The following PTPN9 variants were observed in gnomAD, a reference collection of about 807,000 sequenced individuals.
PTPN9 encodes the protein protein tyrosine phosphatase non-receptor type 9.
PTPN9 carries 26 observed loss-of-function variants against 69.8 expected under a neutral mutation model. That is an observed-to-expected ratio of 0.37 (90% CI 0.27 to 0.52). The LOEUF (loss-of-function observed/expected upper bound fraction) is 0.52, where lower values mean the gene tolerates loss of function less well. Among genes scored for constraint, PTPN9 ranks in the 20% least tolerant of loss-of-function variants. The pLI, the probability that PTPN9 is intolerant of heterozygous loss-of-function variation, is 0.91. For missense variants in PTPN9, 549 were observed against 740.3 expected (o/e 0.74, Z 3.00); for synonymous variants, 274 against 272.5 (o/e 1.01, Z -0.05).
At chr15:75,524,886 G>A (rs528747716) in intron 2 of PTPN9, among the ~76,000 whole-genome samples, 3 of 151,070 alleles carry the variant, frequency 2.0e-5, no homozygotes, top group South Asian at 2.1e-4. Flanking sequence ...AAGCATTTTC[G>A]GAATTCCTGT....
At chr15:75,571,506 C>T (rs1034837075) in intron 1 of PTPN9, among the ~76,000 whole-genome samples, 9 of 152,114 alleles carry the variant, frequency 5.9e-5, no homozygotes, top group African/African-American at 1.7e-4. Context: ...GCCTGTACTC[C>T]CAGCATTTTG....
intron 8 of PTPN9, among the ~76,000 whole-genome samples, chr15:75,485,410 G>A (rs1173342864): frequency 4.0e-5 from 5 of 126,098 alleles, no homozygotes; most frequent in Admixed American, 3.1e-4. Context: ...TGCCCAGGCC[G>A]GACTGCGGAC....
intron 6 of PTPN9, among the ~76,000 whole-genome samples, chr15:75,507,986 G>A (rs952224926): frequency 7.0e-6 from 1 of 143,112 alleles, no homozygotes; most frequent in Admixed American, 7.4e-5. Context: ...GGGCTGCAGT[G>A]AGCCAAGATC....
chr15:75,525,289 G>A (rs1432111972), intron 2 of PTPN9, among the ~76,000 whole-genome samples: 3 of 150,946 alleles, frequency 2.0e-5, no homozygotes, highest in Non-Finnish European at 4.4e-5. Flanking sequence ...CAACCTCCAC[G>A]TCCAAGAGAT....
chr15:75,558,013 G>C (rs1044217857), intron 1 of PTPN9, among the ~76,000 whole-genome samples: 3 of 151,982 alleles, frequency 2.0e-5, no homozygotes, highest in Admixed American at 1.3e-4. Flanking sequence ...TGGCCAACAT[G>C]CCAAAACCTC....
intron 4 of PTPN9, among the ~76,000 whole-genome samples, chr15:75,519,194 C>T (rs190944733): frequency 5.3e-5 from 8 of 152,280 alleles, no homozygotes; most frequent in African/African-American, 1.7e-4. Context: ...CTGCAACCTC[C>T]GCCGCCCGGG....
In PTPN9 at chr15:75,490,250, G is replaced by GTTTT. The variant is rs1567477237; in HGVS notation, c.1019_1020insAAAA (p.Asp340GlufsTer5). 1 of 1,613,672 alleles carries GTTTT rather than the reference G, an allele frequency of 6.2e-7. No individual in the cohort carries two copies. Among genetic ancestry groups the GTTTT allele is most frequent in the African/African-American group, 1.3e-5 (1 of 74,894 alleles). ...GCTTTGTTAGCTTCACTCTAGTTTG[G>GTTTT]TCCAGGCAGGGTACATCCCCATAAC... On this transcript the variant is annotated frameshift_variant, in exon 8 of 13. Transcript: ENST00000618819. LOFTEE classifies it high-confidence loss of function.
intron 8 of PTPN9, among the ~76,000 whole-genome samples, chr15:75,482,442 G>A (rs1469307102): frequency 3.9e-5 from 6 of 152,024 alleles, no homozygotes; most frequent in African/African-American, 1.4e-4. Flanking sequence ...GCGGGCGCCT[G>A]TAGTCCCAGC....
intron 1 of PTPN9, among the ~76,000 whole-genome samples, chr15:75,564,393 G>T (rs1048020702): frequency 6.6e-6 from 1 of 151,978 alleles, no homozygotes; most frequent in Non-Finnish European, 1.5e-5. Context: ...AGAAGATTGA[G>T]ACCATCCTGG....
intron 1 of PTPN9, among the ~76,000 whole-genome samples, chr15:75,536,969 T>G (rs940152086): frequency 7.9e-5 from 12 of 152,272 alleles, no homozygotes; most frequent in East Asian, 1.9e-4. Context: ...ATGAATGAAT[T>G]AATTATTGAA....
chr15:75,550,386 G>A (rs934637464), intron 1 of PTPN9, among the ~76,000 whole-genome samples: 1 of 151,264 alleles, frequency 6.6e-6, no homozygotes. Context: ...GGCTAGTCTC[G>A]AACTCCTGAC....
chr15:75,556,379 T>TTTA (rs932773708), intron 1 of PTPN9, among the ~76,000 whole-genome samples: 1 of 145,162 alleles, frequency 6.9e-6, no homozygotes, highest in African/African-American at 2.6e-5. Context: ...TAATTATTAT[T>TTTA]TTATTATTAT....
intron 4 of PTPN9, among the ~76,000 whole-genome samples, chr15:75,519,440 G>A (rs1001836333): frequency 3.3e-5 from 5 of 151,518 alleles, no homozygotes; most frequent in Admixed American, 1.3e-4. Flanking sequence ...TTTTGCACCA[G>A]CACCTCCTGG....
intron 8 of PTPN9, among the ~76,000 whole-genome samples, chr15:75,485,430 G>A (rs994418752): frequency 7.0e-6 from 1 of 142,570 alleles, no homozygotes; most frequent in Non-Finnish European, 1.5e-5. Context: ...CTGCAGTGGC[G>A]CAATCTCGGC....
chr15:75,543,995 T>C (rs1467815300), intron 1 of PTPN9, among the ~76,000 whole-genome samples: 1 of 152,160 alleles, frequency 6.6e-6, no homozygotes, highest in Non-Finnish European at 1.5e-5. Flanking sequence ...CTGGAGGCAT[T>C]TGCCAATAGC....
chr15:75,534,144 C>T (rs950716561), intron 1 of PTPN9, among the ~76,000 whole-genome samples: 1 of 152,148 alleles, frequency 6.6e-6, no homozygotes, highest in Non-Finnish European at 1.5e-5. Flanking sequence ...CCACAATTTC[C>T]TCACCTTGAA....
chr15:75,499,793 G>A (rs1047466620), intron 7 of PTPN9, among the ~76,000 whole-genome samples: 20 of 152,072 alleles, frequency 1.3e-4, no homozygotes, highest in Admixed American at 1.1e-3. Context: ...CAAAAGCACC[G>A]AGAGCAAGGT....
Position 75,517,352 on chromosome 15 carries a change from C to T in PTPN9, c.435G>A (p.Gln145=). ...CATAGATAAACACCAGTCCATTCCT[C>T]TGAGTTTCAAAGCTGTAAATCAACC... ...LDRAVDSFET[Q]RNGLVFIYDM... Residue 145 remains glutamine (Q), a synonymous_variant, in exon 5 of 13, where the codon CAG becomes CAA. Transcript: ENST00000618819. 1 of 1,612,284 alleles carries T rather than the reference C, an allele frequency of 6.2e-7. No homozygotes were observed. The highest frequency in any genetic ancestry group is 8.5e-7 in the Non-Finnish European group (1 of 1,179,112).
chr15:75,579,239 C>G lies in PTPN9; in HGVS notation c.-463G>C, dbSNP rs1401478650. 1 of 152,218 alleles carries G rather than the reference C, an allele frequency of 6.6e-6. No individual in the cohort carries two copies. Among genetic ancestry groups the G allele is most frequent in the Non-Finnish European group, 1.5e-5 (1 of 68,058 alleles). 9.4% of individuals were successfully genotyped at this position (152,218 alleles called of 1,614,324 possible). A position where few individuals can be genotyped will look rare whatever the true frequency, so the allele number is the denominator to read the frequency against. ...AGAGCTCGGGGCCGCCCAGCCGGGC[C>G]GTCCTCGCGGACGCTGGCCCTGCGA... On this transcript the variant is annotated 5_prime_UTR_variant, in exon 1 of 13. Coordinates refer to ENST00000618819, the MANE Select transcript of PTPN9 (RefSeq NM_002833.4).
Sources: gnomAD v4.1 joint callset for allele counts (sites outside exome capture counted in the v4.1 genomes callset) on GRCh38, gnomAD v4.1.1 for gene constraint, MANE v1.5 for transcripts, NCBI Gene and HGNC (gene_info 2026-07-23, HGNC 2026-07-21) for gene names.